The following CCSER1 variants were observed in gnomAD, a reference collection of about 807,000 sequenced individuals.
The protein encoded by CCSER1 is coiled-coil serine rich protein 1, also known as serine-rich coiled-coil domain-containing protein 1.
Under a neutral mutation model 82.0 loss-of-function variants are expected in CCSER1, and 41 were observed. The ratio of observed to expected loss-of-function variants is 0.50; its 90% CI spans 0.39 to 0.65. The LOEUF (loss-of-function observed/expected upper bound fraction) is 0.65, where lower values mean the gene tolerates loss of function less well. CCSER1 is among the 30% of genes least tolerant of loss of function. The pLI is 0.00. For missense variants in CCSER1, 1,119 were observed against 1,064.2 expected (o/e 1.05, Z -0.72); for synonymous variants, 414 against 383.9 (o/e 1.08, Z -0.92).
At chr4:90,780,794 C>G (rs1753663443) in intron 7 of CCSER1, 1 of 1,133,952 alleles carries the variant, frequency 8.8e-7, no homozygotes, top group African/African-American at 1.6e-5. Context: ...ATCAATATTT[C>G]CATATATGCG....
At chr4:91,090,107 G>C (rs959448194) in intron 10 of CCSER1, among the ~76,000 whole-genome samples, 1 of 152,176 alleles carries the variant, frequency 6.6e-6, no homozygotes, top group Non-Finnish European at 1.5e-5. Context: ...TGCCCAAGTG[G>C]TGGGTCCACA....
chr4:91,521,324 G>A (rs558074542), intron 10 of CCSER1, among the ~76,000 whole-genome samples: 45 of 152,302 alleles, frequency 3.0e-4, no homozygotes, highest in Admixed American at 3.9e-4. Flanking sequence ...ATTGTGAATA[G>A]TGCCGCAATA....
chr4:91,064,884 T>C (rs984936061), intron 9 of CCSER1, among the ~76,000 whole-genome samples: 4 of 152,118 alleles, frequency 2.6e-5, no homozygotes, highest in African/African-American at 4.8e-5. Context: ...ACAATCACAA[T>C]AAGAGAAGGA....
chr4:91,222,867 A>ATATT (rs1280031308), intron 10 of CCSER1, among the ~76,000 whole-genome samples: 1 of 152,170 alleles, frequency 6.6e-6, no homozygotes, highest in East Asian at 1.9e-4. Flanking sequence ...AAATAGCCAC[A>ATATT]TGTGGCTGGT....
intron 7 of CCSER1, among the ~76,000 whole-genome samples, chr4:90,764,983 T>C (rs1217394435): frequency 1.3e-5 from 2 of 152,130 alleles, no homozygotes; most frequent in African/African-American, 4.8e-5. Flanking sequence ...ACTATTGTCA[T>C]TCTCCTTTTG....
chr4:90,647,766 A>T (rs558364357), intron 6 of CCSER1, among the ~76,000 whole-genome samples: 5 of 152,296 alleles, frequency 3.3e-5, no homozygotes, highest in African/African-American at 9.6e-5. Flanking sequence ...GTTTATGATA[A>T]GTTTAAATGG....
At position 90,602,729 on chromosome 4, in the gene CCSER1, G is replaced by A. The variant is rs183724486; in HGVS notation, c.1725-25296G>A. Among the ~76,000 whole-genome samples, 11 of 152,162 alleles carry A rather than the reference G, an allele frequency of 7.2e-5. No homozygotes were observed. In the East Asian group the frequency reaches 1.9e-3, roughly 27 times the overall value. ...ACATTTCTACCCCTGCTTACCCTCC[G>A]CAAGTCTCATGGGGACAATATAGAA... On this transcript the variant is annotated intron_variant, in intron 5 of 10. Coordinates refer to ENST00000509176, the MANE Select transcript of CCSER1 (RefSeq NM_001145065.2).
intron 7 of CCSER1, among the ~76,000 whole-genome samples, chr4:90,799,505 G>C (rs1422212861): frequency 6.6e-6 from 1 of 152,176 alleles, no homozygotes; most frequent in Non-Finnish European, 1.5e-5. Flanking sequence ...GCTCTCTGCA[G>C]CTCAGGCACA....
At chr4:91,430,675 C>A (rs1438130055) in intron 10 of CCSER1, among the ~76,000 whole-genome samples, 1 of 152,164 alleles carries the variant, frequency 6.6e-6, no homozygotes, top group Non-Finnish European at 1.5e-5. Context: ...CAAAGAATAT[C>A]ATTCGGCTAA....
intron 9 of CCSER1, among the ~76,000 whole-genome samples, chr4:90,948,170 A>G (rs1732483281): frequency 6.6e-6 from 1 of 151,960 alleles, no homozygotes; most frequent in African/African-American, 2.4e-5. Flanking sequence ...AATTCCTACT[A>G]TAGTAATTGA....
rs553837592 is a variant in CCSER1 at position 90,737,691 on chromosome 4, C to A, written c.2010+13700C>A. ...GGGAAGTACTATGTTATTGTCCATA[C>A]CTTAATTTGTCTCTCTACTTCTTCT... On this transcript the variant is annotated intron_variant, in intron 7 of 10. Transcript: ENST00000509176. Among the ~76,000 whole-genome samples the A allele has an allele frequency of 3.9e-5, 6 of 152,092 alleles. No homozygotes were observed. In the East Asian group the frequency reaches 1.2e-3, roughly 29 times the overall value.
Position 90,884,001 on chromosome 4 carries a change from A to G in CCSER1, c.2095-39369A>G, listed in dbSNP as rs539142648. ...AGGTAACTGAGTGACATGTGAAGCCATTTCTGATATTCATAAATTAGGAAG... is the reference window on the plus strand; with the variant it reads ...AGGTAACTGAGTGACATGTGAAGCCGTTTCTGATATTCATAAATTAGGAAG... On this transcript the variant is annotated intron_variant, in intron 8 of 10. Transcript: ENST00000509176. 1.5e-4 allele frequency among the ~76,000 whole-genome samples: 23 copies of G among 152,302 alleles called. No individual in the cohort carries two copies. In the East Asian group the frequency reaches 4.1e-3, roughly 27 times the overall value.
intron 5 of CCSER1, among the ~76,000 whole-genome samples, chr4:90,580,599 G>A (rs1781319222): frequency 6.6e-6 from 1 of 152,238 alleles, no homozygotes; most frequent in East Asian, 1.9e-4. Context: ...ATATTCCAAG[G>A]GCTCAGAGCT....
intron 7 of CCSER1, among the ~76,000 whole-genome samples, chr4:90,764,625 G>A (rs1750923206): frequency 6.6e-6 from 1 of 152,044 alleles, no homozygotes. Flanking sequence ...AAAAATTGAA[G>A]TAAATATATG....
chr4:91,139,009 GC>G (rs1264856850), intron 10 of CCSER1, among the ~76,000 whole-genome samples: 1 of 152,140 alleles, frequency 6.6e-6, no homozygotes, highest in African/African-American at 2.4e-5. Context: ...ATCATAGGTA[GC>G]TTTTCAAACC....
At chr4:91,128,773 C>G (rs1311791471) in intron 10 of CCSER1, among the ~76,000 whole-genome samples, 2 of 151,968 alleles carry the variant, frequency 1.3e-5, no homozygotes, top group Non-Finnish European at 1.5e-5. Flanking sequence ...GGAAAGTGGT[C>G]ACGTGAAAAT....
chr4:90,373,795 G>A (rs1487864022), intron 3 of CCSER1, among the ~76,000 whole-genome samples: 1 of 152,154 alleles, frequency 6.6e-6, no homozygotes, highest in Non-Finnish European at 1.5e-5. Context: ...GAAAGCTATA[G>A]AAGATATAGT....
intron 10 of CCSER1, among the ~76,000 whole-genome samples, chr4:91,560,851 G>C (rs73838046): frequency 0.016 from 2,446 of 151,208 alleles, 68 homozygotes; most frequent in African/African-American, 0.056. Flanking sequence ...ACAACATATT[G>C]TTCTTTAGAA....
chr4:91,333,644 AATC>A (rs2149279144), intron 10 of CCSER1, among the ~76,000 whole-genome samples: 1 of 152,186 alleles, frequency 6.6e-6, no homozygotes, highest in East Asian at 1.9e-4. Flanking sequence ...TACAATCACA[AATC>A]AATAATATTA....
Sources: allele counts gnomAD v4.1 joint callset (sites outside exome capture counted in the v4.1 genomes callset), GRCh38; gene constraint gnomAD v4.1.1; transcripts MANE v1.5; gene names NCBI Gene and HGNC (gene_info 2026-07-23, HGNC 2026-07-21).